Variants in HOXD3 observed in about 807,000 individuals in gnomAD.
HOXD3 encodes homeobox D3.
In HOXD3, 13 loss-of-function variants were observed where a neutral mutation model predicts 32.8. The observed-to-expected ratio is 0.40, with a 90% CI of 0.26 to 0.63. The LOEUF is 0.63. Among genes scored for constraint, HOXD3 ranks in the 20% least tolerant of loss-of-function variants. The probability of loss-of-function intolerance (pLI) is 0.44; values close to 1 mark genes in which losing one functional copy is unlikely to be tolerated. For missense variants in HOXD3, 504 were observed against 577.1 expected (o/e 0.87, Z 1.30); for synonymous variants, 241 against 246.8 (o/e 0.98, Z 0.22).
rs191246280 is a variant in HOXD3 at position 176,160,289 on chromosome 2, G to A, written c.-181+2837G>A. On this transcript the variant is annotated intron_variant, in intron 1 of 3. Coordinates refer to ENST00000683222, the MANE Select transcript of HOXD3 (RefSeq NM_006898.5). ...CGGCAGTCTCCAGAGACGCTTCTAA[G>A]AGAGGCAGTTTCTAAAATTTCCAGC... 2.1e-3 allele frequency among the ~76,000 whole-genome samples: 315 copies of A among 152,318 alleles called. 1 individual carries two copies. Among genetic ancestry groups the A allele is most frequent in the African/African-American group, 7.2e-3 (298 of 41,580 alleles).
intron 2 of HOXD3, among the ~76,000 whole-genome samples, chr2:176,166,205 T>G (rs1690966187): frequency 6.6e-6 from 1 of 152,218 alleles, no homozygotes; most frequent in Non-Finnish European, 1.5e-5. Context: ...ATGTTTGTAC[T>G]TTTGAGGTCT....
intron 2 of HOXD3, among the ~76,000 whole-genome samples, chr2:176,166,907 G>A (rs1323546367): frequency 1.3e-5 from 2 of 152,150 alleles, no homozygotes; most frequent in Admixed American, 6.5e-5. Context: ...GGTACCTGTG[G>A]TCAAATCCAT....
chr2:176,172,048 T>C lies in HOXD3; in HGVS notation c.1073T>C (p.Val358Ala), dbSNP rs368898563. The change falls in exon 4 of 4, where the codon GTG (valine) becomes GCG (alanine). Residue 358 changes from valine to alanine, a missense_variant. By Grantham distance (64) the Val-to-Ala change is moderately conservative. Coordinates refer to ENST00000683222, the MANE Select transcript of HOXD3 (RefSeq NM_006898.5). ...AACTTGCAGGGCAGCCCGGTGTACG[T>C]GGGCGGCAACTTCGTCGAGTCCATG... ...SANLQGSPVY[V>A]GGNFVESMAP... 1 of 1,609,008 alleles carries C rather than the reference T, an allele frequency of 6.2e-7. No homozygotes were observed. Among genetic ancestry groups the C allele is most frequent in the Non-Finnish European group, 8.5e-7 (1 of 1,179,080 alleles).
At chr2:176,169,766 C>A in intron 3 of HOXD3, 111 bp downstream of exon 3, 1 of 1,315,858 alleles carries the variant, frequency 7.6e-7, no homozygotes, top group Non-Finnish European at 1.0e-6. Flanking sequence ...TAAACTCCTA[C>A]TCACGTCAAA....
chr2:176,161,322 G>T (rs1461767686), intron 1 of HOXD3, among the ~76,000 whole-genome samples: 1 of 152,192 alleles, frequency 6.6e-6, no homozygotes, highest in Admixed American at 6.5e-5. Context: ...ACACTACCTT[G>T]CCAGGCTTGG....
intron 1 of HOXD3, among the ~76,000 whole-genome samples, chr2:176,157,657 T>TGTGC (rs1332239714): frequency 6.6e-6 from 1 of 152,132 alleles, no homozygotes; most frequent in African/African-American, 2.4e-5. Flanking sequence ...TGTGTGTGTG[T>TGTGC]GTGCGTGCGT....
Position 176,169,489 on chromosome 2 carries a change from C to T in HOXD3, c.375C>T (p.Thr125=), listed in dbSNP as rs905235517. 2 of 1,613,918 alleles carry T rather than the reference C, an allele frequency of 1.2e-6. No individual in the cohort carries two copies. Among genetic ancestry groups the T allele is most frequent in the East Asian group, 4.5e-5 (2 of 44,858 alleles). The change falls in exon 3 of 4, where the codon ACC becomes ACT. Residue 125 remains threonine (T), a synonymous_variant. Transcript: ENST00000683222. ...CACAACCCCCTCCTCCACCACCGAC[C>T]CTGCCCCCATCTTCACCCACCAATC... ...QPPQPPPPPP[T]LPPSSPTNPG... is the part of the protein sequence containing the mutation.
chr2:176,154,974 G>T (rs957811712), upstream of HOXD3, among the ~76,000 whole-genome samples: 1 of 152,178 alleles, frequency 6.6e-6, no homozygotes, highest in Non-Finnish European at 1.5e-5. Flanking sequence ...ACAGAATCAG[G>T]TTCATCCAGA....
intron 1 of HOXD3, chr2:176,160,852 C>T (rs890923713): frequency 7.2e-5 from 11 of 152,224 alleles, no homozygotes; most frequent in African/African-American, 2.2e-4. Context: ...GCGAAGCCAG[C>T]TCGGGGACTA....
At chr2:176,162,564 G>A (rs34720456) in intron 1 of HOXD3, among the ~76,000 whole-genome samples, 38,703 of 152,162 alleles carry the variant, frequency 0.25, 5,324 homozygotes, top group Non-Finnish European at 0.31. Context: ...AGTTGGACCC[G>A]CGTGGGATGG....
At chr2:176,170,410 C>T (rs918842189) in intron 3 of HOXD3, among the ~76,000 whole-genome samples, 4 of 152,160 alleles carry the variant, frequency 2.6e-5, no homozygotes, top group Admixed American at 6.5e-5. Flanking sequence ...GGAAGGGGAG[C>T]CCCTCCAGTT....
chr2:176,153,113 C>G (rs922576840), upstream of HOXD3: 8 of 597,560 alleles, frequency 1.3e-5, no homozygotes, highest in Non-Finnish European at 2.1e-5. Flanking sequence ...CAGCCCCCTC[C>G]CTAGAGCGGG....
Position 176,171,840 on chromosome 2 carries a change from G to A in HOXD3, c.865G>A (p.Val289Met). ...HVAYSGQLPP[V>M]PGLAYDAPSP... ...GGCCTACTCCGGCCAGCTGCCGCCAGTGCCCGGCCTGGCCTACGACGCGCC... is the reference window on the plus strand; with the variant it reads ...GGCCTACTCCGGCCAGCTGCCGCCAATGCCCGGCCTGGCCTACGACGCGCC... The change falls in exon 4 of 4, where the codon GTG (valine) becomes ATG (methionine). Residue 289 changes from valine to methionine, a missense_variant. By Grantham distance (21) the Val-to-Met change is conservative (BLOSUM62 1). Around this residue, in one of 3 missense-constraint regions of HOXD3, gnomAD observed 226 missense variants for 246.9 expected, o/e 0.92. Coordinates refer to ENST00000683222, the MANE Select transcript of HOXD3 (RefSeq NM_006898.5). 1.2e-6 allele frequency: 2 copies of A among 1,607,084 alleles called. No homozygotes were observed. The highest frequency in any genetic ancestry group is 1.7e-6 in the Non-Finnish European group (2 of 1,176,610).
Position 176,169,431 on chromosome 2 carries a change from A to G in HOXD3, c.317A>G (p.Gln106Arg). 1.9e-6 allele frequency: 3 copies of G among 1,613,652 alleles called. No homozygotes were observed. The highest frequency in any genetic ancestry group is 1.7e-4 in the Middle Eastern group (1 of 6,060). ...AGCCAGGGTGGGGGTGGTGGCAGCCAGCCTCCTGGTCTGAACTCAGAGCAG... is the reference window on the plus strand; with the variant it reads ...AGCCAGGGTGGGGGTGGTGGCAGCCGGCCTCCTGGTCTGAACTCAGAGCAG... The part of the protein sequence containing the change: ...GNSQGGGGGS[Q>R]PPGLNSEQQP... The change falls in exon 3 of 4, where the codon CAG becomes CGG. Residue 106 changes from glutamine (Q) to arginine (R), a missense_variant. Gln to Arg is a conservative substitution (Grantham distance 43). Around this residue, in one of 3 missense-constraint regions of HOXD3, gnomAD observed 181 missense variants for 172.2 expected, o/e 1.05. Transcript: ENST00000683222.
intron 1 of HOXD3, among the ~76,000 whole-genome samples, chr2:176,162,935 G>A (rs944244576): frequency 6.6e-6 from 1 of 152,202 alleles, no homozygotes; most frequent in Non-Finnish European, 1.5e-5. Flanking sequence ...ATATAAAGCA[G>A]CTACAGGACC....
At chr2:176,164,487 C>T (rs1001549747) in intron 2 of HOXD3, 4 of 152,206 alleles carry the variant, frequency 2.6e-5, no homozygotes, top group African/African-American at 9.7e-5. Context: ...ATCGGGAGAA[C>T]TTGGGCGGAA....
upstream of HOXD3, among the ~76,000 whole-genome samples, chr2:176,156,887 G>T (rs1453965115): frequency 6.6e-6 from 1 of 152,186 alleles, no homozygotes; most frequent in Non-Finnish European, 1.5e-5. Context: ...GTGGACATGT[G>T]TATTTATAAG....
Position 176,169,207 on chromosome 2 carries a change from C to A in HOXD3, c.93C>A (p.Gly31=). 3 of 1,614,184 alleles carry A rather than the reference C, an allele frequency of 1.9e-6. No homozygotes were observed. The highest frequency in any genetic ancestry group is 2.5e-6 in the Non-Finnish European group (3 of 1,180,038). The change falls in exon 3 of 4, where the codon GGC becomes GGA. Residue 31 remains glycine, a synonymous_variant. Transcript: ENST00000683222. ...AYYENPGLFG[G]YGYSKTTDTY... is the part of the protein sequence containing the mutation. ...ATGAAAACCCAGGACTGTTTGGAGG[C>A]TATGGCTACAGCAAAACTACGGACA...
At chr2:176,171,385 C>A in intron 3 of HOXD3, 132 bp from the exon 4 acceptor site, 1 of 847,050 alleles carries the variant, frequency 1.2e-6, no homozygotes, top group East Asian at 2.7e-5. Context: ...CTCAAACGGC[C>A]CTTCCCCTCC....
Sources: allele counts gnomAD v4.1 joint callset (sites outside exome capture counted in the v4.1 genomes callset), GRCh38; gene constraint gnomAD v4.1.1; regional missense constraint gnomAD v4.1.1; transcripts MANE v1.5; gene names NCBI Gene and HGNC (gene_info 2026-07-23, HGNC 2026-07-21).